Variants in TXNL4A observed in about 807,000 individuals in gnomAD.
TXNL4A encodes the protein thioredoxin like 4A.
In TXNL4A, 17 loss-of-function variants were observed where a neutral mutation model predicts 14.6. The ratio of observed to expected loss-of-function variants is 1.16; its 90% CI spans 0.80 to 1.74. The LOEUF is 1.74. TXNL4A is among the 40% of genes most tolerant of loss of function. The pLI is 0.00. For synonymous variants in TXNL4A, 83 were observed against 70.6 expected, an observed-to-expected ratio of 1.18 and a Z score of -0.88; for missense variants, 74 against 195.2, an observed-to-expected ratio of 0.38 and a Z score of 3.70.
intron 1 of TXNL4A, among the ~76,000 whole-genome samples, chr18:79,983,591 A>C (rs2145076111): frequency 6.6e-6 from 1 of 152,342 alleles, no homozygotes; most frequent in Admixed American, 6.5e-5. Context: ...TGGGCAGTTG[A>C]TTAGCACAAC....
intron 1 of TXNL4A, among the ~76,000 whole-genome samples, chr18:80,005,567 T>C (rs1248739202): frequency 6.6e-6 from 1 of 152,240 alleles, no homozygotes; most frequent in African/African-American, 2.4e-5. Context: ...GAAAATAGTT[T>C]TCCTGGGAGC....
At chr18:79,986,499 TGTGTGTCCACTA>T in intron 1 of TXNL4A, 1 of 865,748 alleles carries the variant, frequency 1.2e-6, no homozygotes, top group Non-Finnish European at 1.4e-6. Flanking sequence ...GTGTCCACTA[TGTGTGTCCACTA>T]GTGATACAGT....
chr18:80,014,617 G>T (rs1458761133), intron 1 of TXNL4A, among the ~76,000 whole-genome samples: 2 of 152,200 alleles, frequency 1.3e-5, no homozygotes, highest in Non-Finnish European at 2.9e-5. Flanking sequence ...TTCATGGGCT[G>T]GCGTTGAGTG....
exon 1 of TXNL4A, chr18:80,033,909 T>C: frequency 7.3e-6 from 1 of 137,532 alleles, no homozygotes; most frequent in Non-Finnish European, 1.5e-5. Flanking sequence ...GTCGCCCACC[T>C]CGCGCTGCCC....
intron 1 of TXNL4A, among the ~76,000 whole-genome samples, chr18:80,027,656 A>G (rs1857821604): frequency 6.6e-6 from 1 of 152,068 alleles, no homozygotes; most frequent in Admixed American, 6.5e-5. Flanking sequence ...AGGGCTCAAC[A>G]CTCATTCAGT....
chr18:79,988,361 C>A lies in TXNL4A; in HGVS notation c.32G>T (p.Gly11Val). The change falls in exon 1 of 3, where the codon GGC (glycine) becomes GTC (valine). Residue 11 changes from glycine to valine, a missense_variant. Physicochemically the swap from Gly to Val is moderately radical, Grantham distance 109 (BLOSUM62 -3). This residue lies in a region of TXNL4A where 55 missense variants were observed against 116.1 expected (regional missense o/e 0.47). Coordinates refer to ENST00000269601, the MANE Select transcript of TXNL4A (RefSeq NM_006701.5). Reference sequence around the variant, plus strand: ...GAGGATGGCCTGGTCCACCTGCCAGCCGTTGTGCAGGTGCGGGAGCATGTA... The same window carrying A: ...GAGGATGGCCTGGTCCACCTGCCAGACGTTGTGCAGGTGCGGGAGCATGTA... MSYMLPHLHN[G>V]WQVDQAILSE... 1 of 1,556,310 alleles carries A rather than the reference C, an allele frequency of 6.4e-7. No homozygotes were observed. The highest frequency in any genetic ancestry group is 8.7e-7 in the Non-Finnish European group (1 of 1,148,350).
intron 1 of TXNL4A, among the ~76,000 whole-genome samples, chr18:80,004,493 A>G (rs1366669046): frequency 2.0e-5 from 3 of 152,126 alleles, no homozygotes; most frequent in African/African-American, 7.2e-5. Flanking sequence ...AAGGGCAGAG[A>G]TATGTTCCTG....
Position 79,982,579 on chromosome 18 carries a change from C to T in TXNL4A, c.154-4878G>A, listed in dbSNP as rs2051480618. Among the ~76,000 whole-genome samples the T allele has an allele frequency of 6.6e-6, 1 of 152,136 alleles. No homozygotes were observed. The highest frequency in any genetic ancestry group is 6.5e-5 in the Admixed American group (1 of 15,278). ...AAGGAGGCAGTCTCAGAAACCAAGG[C>T]AGGAGACTCCGGGGAGCTGTGCCGA... On this transcript the variant is annotated intron_variant, in intron 1 of 2. Coordinates refer to ENST00000269601, the MANE Select transcript of TXNL4A (RefSeq NM_006701.5). The surrounding 1 kb of genome is among the most constrained non-coding windows in gnomAD (Gnocchi z 4.0).
chr18:79,986,034 G>A (rs1224672906), intron 1 of TXNL4A, among the ~76,000 whole-genome samples: 1 of 140,552 alleles, frequency 7.1e-6, no homozygotes, highest in East Asian at 2.1e-4. Context: ...ATGCATTTCA[G>A]GTGTGCACTT....
intron 1 of TXNL4A, among the ~76,000 whole-genome samples, chr18:80,018,804 A>G (rs1487785246): frequency 6.6e-6 from 1 of 152,216 alleles, no homozygotes; most frequent in Non-Finnish European, 1.5e-5. Context: ...TGCTTTGCTT[A>G]GAAATTTCTT....
intron 1 of TXNL4A, chr18:79,994,945 C>T (rs766329317): frequency 2.0e-5 from 3 of 152,162 alleles, no homozygotes; most frequent in Non-Finnish European, 2.9e-5. Flanking sequence ...TACTTCCTGC[C>T]GATTCTCTGG....
At chr18:79,996,122 A>C (rs1334177371) in intron 1 of TXNL4A, among the ~76,000 whole-genome samples, 1 of 150,988 alleles carries the variant, frequency 6.6e-6, no homozygotes, top group Non-Finnish European at 1.5e-5. Context: ...AAAAAAAAAA[A>C]AAAAACGGCC....
intron 2 of TXNL4A, among the ~76,000 whole-genome samples, chr18:79,976,417 G>A (rs1015506053): frequency 6.6e-6 from 1 of 152,248 alleles, no homozygotes; most frequent in South Asian, 2.1e-4. Flanking sequence ...TGGGTCTCTG[G>A]CAGCAGAGTG....
chr18:80,005,674 G>A (rs1238988695), intron 1 of TXNL4A, among the ~76,000 whole-genome samples: 1 of 152,184 alleles, frequency 6.6e-6, no homozygotes, highest in Non-Finnish European at 1.5e-5. Flanking sequence ...CAACACTTTG[G>A]GAGGCTGAGG....
chr18:80,033,396 T>C (rs2054328577), intron 1 of TXNL4A, among the ~76,000 whole-genome samples: 1 of 152,114 alleles, frequency 6.6e-6, no homozygotes, highest in Non-Finnish European at 1.5e-5. Flanking sequence ...CACTTCTCTT[T>C]CCACGCCCGG....
At chr18:79,987,624 T>C (rs1177126045) in intron 1 of TXNL4A, among the ~76,000 whole-genome samples, 2 of 152,222 alleles carry the variant, frequency 1.3e-5, no homozygotes, top group African/African-American at 4.8e-5. Flanking sequence ...CCTACAACTT[T>C]TATTGTCAGC....
chr18:79,975,082 T>C (rs1349139182), intron 2 of TXNL4A, among the ~76,000 whole-genome samples: 2 of 152,176 alleles, frequency 1.3e-5, no homozygotes, highest in Non-Finnish European at 2.9e-5. Context: ...CCAAGCTCCT[T>C]CTACAATGAC....
At chr18:80,015,015 C>T (rs1161516674) in intron 1 of TXNL4A, among the ~76,000 whole-genome samples, 3 of 152,222 alleles carry the variant, frequency 2.0e-5, no homozygotes. Context: ...CCCTTTCTGC[C>T]ACAGCTGGAG....
chr18:79,974,314 A>G (rs1331658672), intron 2 of TXNL4A, among the ~76,000 whole-genome samples: 1 of 152,242 alleles, frequency 6.6e-6, no homozygotes, highest in Non-Finnish European at 1.5e-5. Context: ...GAGCAATGAC[A>G]TAAATTGTAT....
Sources: gnomAD v4.1 joint callset for allele counts (sites outside exome capture counted in the v4.1 genomes callset) on GRCh38, gnomAD v4.1.1 for gene constraint, gnomAD v4.1.1 regional missense constraint, Gnocchi (gnomAD v3.1) non-coding constraint, MANE v1.5 for transcripts, NCBI Gene and HGNC (gene_info 2026-07-23, HGNC 2026-07-21) for gene names.